IPO11: variants seen among roughly 807,000 people sequenced by gnomAD.
IPO11 encodes importin-11.
Under a neutral mutation model 143.2 loss-of-function variants are expected in IPO11, and 66 were observed. The observed-to-expected ratio is 0.46, with a 90% CI of 0.38 to 0.57. IPO11 has a LOEUF of 0.57. Among genes scored for constraint, IPO11 ranks in the 20% least tolerant of loss-of-function variants. The pLI is 0.00. For missense variants in IPO11, 1,026 were observed against 1,141.0 expected (o/e 0.90, Z 1.45); for synonymous variants, 385 against 377.8 (o/e 1.02, Z -0.22).
intron 20 of IPO11, among the ~76,000 whole-genome samples, chr5:62,524,659 AG>A (rs1742311233): frequency 1.3e-5 from 2 of 152,144 alleles, no homozygotes; most frequent in African/African-American, 4.8e-5. Flanking sequence ...CATTATTAAA[AG>A]GGACAAAATT....
At chr5:62,552,418 T>C (rs941284718) in intron 26 of IPO11, among the ~76,000 whole-genome samples, 2 of 151,710 alleles carry the variant, frequency 1.3e-5, no homozygotes, top group African/African-American at 4.8e-5. Flanking sequence ...ATAAATAGGG[T>C]ATATTTTTAT....
chr5:62,620,942 G>A (rs1746339586), intron 29 of IPO11, among the ~76,000 whole-genome samples: 1 of 152,192 alleles, frequency 6.6e-6, no homozygotes, highest in Non-Finnish European at 1.5e-5. Flanking sequence ...TTACAATCGA[G>A]ACTTATTGAA....
intron 1 of IPO11, among the ~76,000 whole-genome samples, chr5:62,429,349 A>T (rs1257715608): frequency 1.3e-5 from 2 of 152,148 alleles, no homozygotes; most frequent in African/African-American, 4.8e-5. Flanking sequence ...ACAGGATTTC[A>T]TTCCTTTTTA....
chr5:62,458,125 C>A (rs866120281), intron 5 of IPO11, among the ~76,000 whole-genome samples: 1 of 128,770 alleles, frequency 7.8e-6, no homozygotes, highest in South Asian at 2.4e-4. Context: ...CCAGCCTGGG[C>A]GACAGAGCGA....
chr5:62,564,324 C>A lies in IPO11; in HGVS notation c.2582+3067C>A, dbSNP rs186310202. 3.5e-3 allele frequency among the ~76,000 whole-genome samples: 538 copies of A among 152,138 alleles called. 1 individual carries two copies. Among genetic ancestry groups the A allele is most frequent in the Non-Finnish European group, 6.1e-3 (414 of 67,980 alleles). ...CAGTTTTATTGTTTCCTATTTGTAA[C>A]CTTTATTCTAGTTAACTACATAGTT... is the stretch of plus-strand genomic sequence containing the variant. On this transcript the variant is annotated intron_variant, in intron 27 of 29. Transcript: ENST00000325324.
intron 24 of IPO11, among the ~76,000 whole-genome samples, chr5:62,547,073 C>G (rs1311171039): frequency 6.6e-6 from 1 of 152,028 alleles, no homozygotes; most frequent in East Asian, 1.9e-4. Context: ...CTAACTGTTA[C>G]GATGTTGGTG....
intron 4 of IPO11, 76 bp from the exon 5 acceptor site, chr5:62,451,654 A>G (rs1022191973): frequency 9.3e-7 from 1 of 1,080,802 alleles, no homozygotes; most frequent in East Asian, 2.5e-5. Flanking sequence ...GTGTATAATT[A>G]ACAAGGTGAT....
chr5:62,470,932 G>A (rs1308397210), intron 7 of IPO11, among the ~76,000 whole-genome samples: 1 of 144,274 alleles, frequency 6.9e-6, no homozygotes, highest in Non-Finnish European at 1.5e-5. Context: ...GGTTCAAGCA[G>A]TTCTCCTGCC....
At chr5:62,461,138 G>A (rs1027765716) in intron 5 of IPO11, among the ~76,000 whole-genome samples, 10 of 152,272 alleles carry the variant, frequency 6.6e-5, no homozygotes, top group Admixed American at 6.5e-4. Context: ...CTGCAGTGGG[G>A]TTTTGCAGTA....
rs750371002 is a variant in IPO11, at chr5:62,443,049, G to A, written c.205G>A (p.Gly69Arg). Residue 69 changes from glycine (G) to arginine (R), a missense_variant, in exon 3 of 30, where the codon GGA (glycine) becomes AGA (arginine). Physicochemically the swap from Gly to Arg is moderately radical, Grantham distance 125. Coordinates refer to ENST00000325324, the MANE Select transcript of IPO11 (RefSeq NM_016338.5). ...GCTTGCTGTACTGTATTTTAAACAT[G>A]GAATTGATCGCTACTGGAGACGTGT... ...RWLAVLYFKH[G>R]IDRYWRRVAP... 1.9e-6 allele frequency: 3 copies of A among 1,611,958 alleles called. No homozygotes were observed. Among genetic ancestry groups the A allele is most frequent in the Non-Finnish European group, 2.5e-6 (3 of 1,178,796 alleles).
intron 10 of IPO11, 145 bp from the exon 11 acceptor site, chr5:62,483,865 G>A (rs909063914): frequency 6.1e-6 from 4 of 656,236 alleles, no homozygotes; most frequent in Non-Finnish European, 1.0e-5. Context: ...GAGTATCTTT[G>A]AGATTTGTTT....
intron 26 of IPO11, among the ~76,000 whole-genome samples, chr5:62,559,766 A>G (rs1054921536): frequency 6.6e-6 from 1 of 152,000 alleles, no homozygotes; most frequent in Non-Finnish European, 1.5e-5. Flanking sequence ...AAAATACAAA[A>G]TTAGCCAGGT....
chr5:62,499,097 A>G (rs1387238379), intron 16 of IPO11, among the ~76,000 whole-genome samples: 1 of 152,212 alleles, frequency 6.6e-6, no homozygotes, highest in Admixed American at 6.5e-5. Flanking sequence ...ACTACCAACC[A>G]GCATAGACAT....
At chr5:62,581,394 G>T in intron 27 of IPO11, 2 of 1,013,090 alleles carry the variant, frequency 2.0e-6, no homozygotes. Context: ...TACTTTAGTT[G>T]GAAATATAAT....
At chr5:62,591,350 A>G (rs1368522859) in intron 27 of IPO11, among the ~76,000 whole-genome samples, 1 of 152,116 alleles carries the variant, frequency 6.6e-6, no homozygotes, top group Non-Finnish European at 1.5e-5. Flanking sequence ...TTCCTTTACT[A>G]TCGAATCTAT....
intron 4 of IPO11, among the ~76,000 whole-genome samples, chr5:62,450,481 CA>C (rs1342318709): frequency 6.6e-6 from 1 of 152,170 alleles, no homozygotes; most frequent in African/African-American, 2.4e-5. Flanking sequence ...GCTAGTCTCA[CA>C]AAAGTATAGC....
chr5:62,554,958 A>G (rs895167327), intron 26 of IPO11, among the ~76,000 whole-genome samples: 2 of 152,158 alleles, frequency 1.3e-5, no homozygotes, highest in African/African-American at 4.8e-5. Context: ...CAAGTGATCC[A>G]CCTGCACTGG....
intron 27 of IPO11, among the ~76,000 whole-genome samples, chr5:62,577,345 TA>T (rs1418040492): frequency 2.6e-5 from 4 of 152,204 alleles, no homozygotes; most frequent in Non-Finnish European, 5.9e-5. Flanking sequence ...CTTTGCATCC[TA>T]ATAAGTGTTC....
At chr5:62,531,803 T>A (rs1276626113) in intron 22 of IPO11, among the ~76,000 whole-genome samples, 1 of 152,212 alleles carries the variant, frequency 6.6e-6, no homozygotes, top group African/African-American at 2.4e-5. Context: ...TTTTTGTTAC[T>A]CTTTTCAAAT....
Sources: gnomAD v4.1 joint callset for allele counts (sites outside exome capture counted in the v4.1 genomes callset) on GRCh38, gnomAD v4.1.1 for gene constraint, MANE v1.5 for transcripts, NCBI Gene and HGNC (gene_info 2026-07-23, HGNC 2026-07-21) for gene names.